The following ZSWIM5 variants were observed in gnomAD, a reference collection of about 807,000 sequenced individuals.
ZSWIM5 encodes zinc finger SWIM-type containing 5.
In ZSWIM5, 55 loss-of-function variants were observed where a neutral mutation model predicts 119.6. The observed-to-expected ratio is 0.46, with a 90% CI of 0.37 to 0.58. ZSWIM5 has a LOEUF of 0.58. Ranked by LOEUF, ZSWIM5 falls within the 20% of genes least tolerant of loss-of-function variation. The pLI is 0.00. For synonymous variants in ZSWIM5, 537 were observed against 606.9 expected (o/e 0.88, Z 1.69); for missense variants, 1,193 against 1,512.8 (o/e 0.79, Z 3.51).
At chr1:45,198,826 A>G in intron 1 of ZSWIM5, among the ~76,000 whole-genome samples, 1 of 152,228 alleles carries the variant, frequency 6.6e-6, no homozygotes, top group East Asian at 1.9e-4. Flanking sequence ...GGCTTGTATC[A>G]TTGCTTACAA....
At position 45,034,433 on chromosome 1, in the gene ZSWIM5, G is replaced by T; in HGVS notation, c.2328C>A (p.Asp776Glu). The T allele has an allele frequency of 6.2e-7, 1 of 1,610,988 alleles. No homozygotes were observed. The highest frequency in any genetic ancestry group is 1.1e-5 in the South Asian group (1 of 90,576). ...ACACCATATGGTGAGGGTGGGATGTGTCGCCTGCAGAAGCTGAGTTTTCTA... is the reference window on the plus strand; with the variant it reads ...ACACCATATGGTGAGGGTGGGATGTTTCGCCTGCAGAAGCTGAGTTTTCTA... ...PVLENSASAG[D>E]TSHPHHMVSV... The change falls in exon 11 of 14, where the codon GAC becomes GAA. Residue 776 changes from aspartate (D) to glutamate (E), a missense_variant. By Grantham distance (45) the Asp-to-Glu change is conservative. Around this residue, in one of 2 missense-constraint regions of ZSWIM5, gnomAD observed 961 missense variants for 1,290.0 expected, o/e 0.74. Transcript: ENST00000359600.
chr1:45,104,950 G>C (rs144992668), intron 1 of ZSWIM5, among the ~76,000 whole-genome samples: 10 of 152,326 alleles, frequency 6.6e-5, no homozygotes, highest in African/African-American at 2.4e-4. Flanking sequence ...CATTTACCTA[G>C]TTTTCTAGTG....
intron 1 of ZSWIM5, among the ~76,000 whole-genome samples, chr1:45,199,546 G>T (rs1312128556): frequency 6.6e-6 from 1 of 151,992 alleles, no homozygotes; most frequent in Admixed American, 6.6e-5. Context: ...TGATCCACCC[G>T]CCTCGGCCTA....
chr1:45,047,227 G>C (rs1645061760), intron 5 of ZSWIM5, among the ~76,000 whole-genome samples: 1 of 152,074 alleles, frequency 6.6e-6, no homozygotes, highest in Admixed American at 6.6e-5. Context: ...ACTGCGGATA[G>C]GTCAAGTATC....
intron 11 of ZSWIM5, among the ~76,000 whole-genome samples, chr1:45,025,857 T>C (rs1644917586): frequency 1.3e-5 from 2 of 152,202 alleles, no homozygotes; most frequent in African/African-American, 2.4e-5. Flanking sequence ...TATTGGGACA[T>C]AACCCTGTCA....
chr1:45,025,918 T>C (rs754578153), intron 11 of ZSWIM5, among the ~76,000 whole-genome samples: 17 of 152,242 alleles, frequency 1.1e-4, no homozygotes, highest in Non-Finnish European at 1.6e-4. Flanking sequence ...TATCTTATTG[T>C]ATTAGTTAGG....
rs750817396 is a variant in ZSWIM5, at chr1:45,036,026, C to G, written c.2155+13G>C. ...GCCAAAGACACCGTGACAAGAGACT[C>G]TTTTCTACTTACCTTCCAGCAGTAA... On this transcript the variant is annotated intron_variant, in intron 9 of 13. Coordinates refer to ENST00000359600, the MANE Select transcript of ZSWIM5 (RefSeq NM_020883.2). 3 of 1,611,478 alleles carry G rather than the reference C, an allele frequency of 1.9e-6. No individual in the cohort carries two copies. The highest frequency in any genetic ancestry group is 1.3e-5 in the African/African-American group (1 of 74,876).
chr1:45,037,343 T>G (rs1644991355), intron 8 of ZSWIM5, among the ~76,000 whole-genome samples: 2 of 152,228 alleles, frequency 1.3e-5, no homozygotes, highest in South Asian at 4.1e-4. Context: ...ACTCCTGACC[T>G]CAGGTGATCT....
At chr1:45,113,314 T>C (rs1645529101) in intron 1 of ZSWIM5, among the ~76,000 whole-genome samples, 1 of 152,138 alleles carries the variant, frequency 6.6e-6, no homozygotes, top group Non-Finnish European at 1.5e-5. Flanking sequence ...GATGAGATTA[T>C]AAAGGAAACA....
chr1:45,034,172 G>T, intron 11 of ZSWIM5, 140 bp downstream of exon 11: 1 of 1,061,446 alleles, frequency 9.4e-7, no homozygotes, highest in South Asian at 2.1e-5. Context: ...TCTAATGGCA[G>T]CAATCAAAGT....
intron 5 of ZSWIM5, among the ~76,000 whole-genome samples, chr1:45,045,701 A>T (rs895885106): frequency 1.3e-5 from 2 of 152,160 alleles, no homozygotes; most frequent in Admixed American, 6.6e-5. Flanking sequence ...ATATATTTTT[A>T]AATTGATTAA....
intron 1 of ZSWIM5, among the ~76,000 whole-genome samples, chr1:45,184,505 G>A (rs1373524314): frequency 1.3e-5 from 2 of 152,202 alleles, no homozygotes; most frequent in African/African-American, 4.8e-5. Context: ...AAACCCCATT[G>A]TCTCAGCCCA....
chr1:45,066,350 G>A (rs892676054), intron 2 of ZSWIM5, among the ~76,000 whole-genome samples: 1 of 152,038 alleles, frequency 6.6e-6, no homozygotes, highest in African/African-American at 2.4e-5. Context: ...GATATATAAT[G>A]GTAAACAAAG....
chr1:45,194,325 C>G (rs1646109588), intron 1 of ZSWIM5, among the ~76,000 whole-genome samples: 2 of 152,076 alleles, frequency 1.3e-5, no homozygotes, highest in African/African-American at 4.8e-5. Context: ...GCACAAAAAG[C>G]TATTTTCCTG....
intron 2 of ZSWIM5, among the ~76,000 whole-genome samples, chr1:45,064,115 C>A (rs1367055368): frequency 1.3e-5 from 2 of 152,142 alleles, no homozygotes; most frequent in East Asian, 3.9e-4. Flanking sequence ...TACTCCATTG[C>A]CACCTGCCGA....
intron 2 of ZSWIM5, among the ~76,000 whole-genome samples, chr1:45,062,433 C>T (rs1645158284): frequency 6.6e-6 from 1 of 152,182 alleles, no homozygotes; most frequent in African/African-American, 2.4e-5. Context: ...CAAATTAACA[C>T]ATATGATCTG....
chr1:45,118,552 G>A (rs991401389), intron 1 of ZSWIM5, among the ~76,000 whole-genome samples: 1 of 151,942 alleles, frequency 6.6e-6, no homozygotes, highest in Non-Finnish European at 1.5e-5. Context: ...ATCAGCCTGG[G>A]CAACATGGTG....
In ZSWIM5 at chr1:45,019,049, A is replaced by G. The variant is rs762873051; in HGVS notation, c.2963T>C (p.Ile988Thr). Reference protein sequence around the residue: ...IAFEAAYQIAIDAAAGGMTHS... With the variant: ...IAFEAAYQIATDAAAGGMTHS... The stretch of plus-strand genomic sequence containing the variant: ...GGTCATACCACCAGCAGCAGCATCA[A>G]TGGCAATCTGGTAGGCTGCCTCAAA... Residue 988 changes from isoleucine (I) to threonine (T), a missense_variant, in exon 14 of 14, where the codon ATT (isoleucine) becomes ACT (threonine). Ile to Thr is a moderately conservative substitution (Grantham distance 89). Coordinates refer to ENST00000359600, the MANE Select transcript of ZSWIM5 (RefSeq NM_020883.2). The surrounding 1 kb of genome is among the most constrained non-coding windows in gnomAD (Gnocchi z 5.0). 8.1e-6 allele frequency: 13 copies of G among 1,614,232 alleles called. No homozygotes were observed. In the South Asian group the frequency reaches 8.8e-5, roughly 11 times the overall value.
intron 1 of ZSWIM5, among the ~76,000 whole-genome samples, chr1:45,188,708 G>A (rs1453780250): frequency 5.3e-5 from 8 of 152,112 alleles, no homozygotes; most frequent in Admixed American, 3.9e-4. Flanking sequence ...GGCCTCATTA[G>A]GCAGCCTAGA....
Sources: allele counts gnomAD v4.1 joint callset (sites outside exome capture counted in the v4.1 genomes callset), GRCh38; gene constraint gnomAD v4.1.1; regional missense constraint gnomAD v4.1.1; non-coding constraint Gnocchi (gnomAD v3.1); transcripts MANE v1.5; gene names NCBI Gene and HGNC (gene_info 2026-07-23, HGNC 2026-07-21).